MCC: variants seen among roughly 807,000 people sequenced by gnomAD.
The protein encoded by MCC is colorectal mutant cancer protein.
In MCC, 90 loss-of-function variants were observed where a neutral mutation model predicts 116.2. That is an observed-to-expected ratio of 0.77 (90% confidence interval 0.65 to 0.92). The LOEUF is 0.92. Among genes scored for constraint, MCC ranks in the 40% least tolerant of loss-of-function variants. The pLI is 0.00. For missense variants in MCC, 1,516 were observed against 1,312.2 expected (o/e 1.16, Z -2.40); for synonymous variants, 578 against 510.5 (o/e 1.13, Z -1.78).
At chr5:113,055,064 C>A (rs1032432030) in intron 14 of MCC, among the ~76,000 whole-genome samples, 3 of 152,198 alleles carry the variant, frequency 2.0e-5, no homozygotes, top group African/African-American at 7.2e-5. Context: ...GAGGAAAAAG[C>A]AGAGGCCTAC....
chr5:113,442,615 G>T (rs377640229), intron 1 of MCC, among the ~76,000 whole-genome samples: 1 of 152,006 alleles, frequency 6.6e-6, no homozygotes, highest in Non-Finnish European at 1.5e-5. Flanking sequence ...TTTCTTCTAG[G>T]ATTTTTATGT....
At chr5:113,363,489 G>C (rs1402352760) in intron 2 of MCC, among the ~76,000 whole-genome samples, 1 of 152,100 alleles carries the variant, frequency 6.6e-6, no homozygotes, top group Admixed American at 6.5e-5. Flanking sequence ...GGAAGAGAGA[G>C]AAGGGGGAGG....
chr5:113,089,267 C>T (rs1015606335), intron 8 of MCC, among the ~76,000 whole-genome samples: 21 of 152,036 alleles, frequency 1.4e-4, no homozygotes, highest in African/African-American at 4.1e-4. Flanking sequence ...GAGCAGGCAA[C>T]GCTAGAACTC....
chr5:113,236,250 A>G (rs1448743999), intron 3 of MCC, among the ~76,000 whole-genome samples: 1 of 152,222 alleles, frequency 6.6e-6, no homozygotes, highest in Admixed American at 6.5e-5. Flanking sequence ...AATATGCCTG[A>G]GCCTAGGTTT....
intron 3 of MCC, among the ~76,000 whole-genome samples, chr5:113,260,328 A>T (rs1765174104): frequency 6.6e-6 from 1 of 152,204 alleles, no homozygotes; most frequent in African/African-American, 2.4e-5. Flanking sequence ...AAATTTACTA[A>T]GAATGGTATT....
At chr5:113,277,960 T>A (rs1765890303) in intron 3 of MCC, among the ~76,000 whole-genome samples, 1 of 152,148 alleles carries the variant, frequency 6.6e-6, no homozygotes, top group South Asian at 2.1e-4. Flanking sequence ...AATGCCCAAA[T>A]CTAGACTCAT....
chr5:113,284,212 T>C (rs1371606818), intron 3 of MCC, among the ~76,000 whole-genome samples: 1 of 152,168 alleles, frequency 6.6e-6, no homozygotes, highest in Non-Finnish European at 1.5e-5. Flanking sequence ...TAGCCGGATG[T>C]CTTGGCATGT....
At position 113,085,035 on chromosome 5, in the gene MCC, T is replaced by A. The variant is rs1401933479; in HGVS notation, c.1545+129A>T. 1.1e-5 allele frequency: 14 copies of A among 1,279,528 alleles called. No homozygotes were observed. The Admixed American group carries it at 2.5e-4, about 23-fold the overall frequency. 79.3% of individuals were successfully genotyped at this position (1,279,528 alleles called of 1,614,324 possible). A position where few individuals can be genotyped will look rare whatever the true frequency, so the allele number is the denominator to read the frequency against. On this transcript the variant is annotated intron_variant, in intron 9 of 18. Transcript: ENST00000408903. ...GCAGCTCCTGCATAGAAGGCCTGCG[T>A]AAGGTCCCAGGGGAAGCCCCTTGTG...
At chr5:113,179,699 A>G (rs984626497) in intron 3 of MCC, among the ~76,000 whole-genome samples, 2 of 152,140 alleles carry the variant, frequency 1.3e-5, no homozygotes, top group African/African-American at 4.8e-5. Context: ...TTTCAAAAGG[A>G]TTTTGCTGTA....
At chr5:113,305,183 G>T (rs962510120) in intron 3 of MCC, among the ~76,000 whole-genome samples, 7 of 152,116 alleles carry the variant, frequency 4.6e-5, no homozygotes, top group Non-Finnish European at 8.8e-5. Context: ...CTATGGTAGG[G>T]ATTTCCTACA....
chr5:113,324,228 C>T (rs1767492731), intron 3 of MCC, among the ~76,000 whole-genome samples: 1 of 152,140 alleles, frequency 6.6e-6, no homozygotes, highest in Non-Finnish European at 1.5e-5. Flanking sequence ...GAAGGAGTTT[C>T]TACTTGCTAG....
chr5:113,090,794 G>C (rs1449173403), intron 8 of MCC, among the ~76,000 whole-genome samples: 1 of 152,184 alleles, frequency 6.6e-6, no homozygotes, highest in East Asian at 1.9e-4. Flanking sequence ...GACAGCTTCA[G>C]CTAAAGTCAA....
At chr5:113,054,890 C>G (rs1045915469) in intron 14 of MCC, among the ~76,000 whole-genome samples, 10 of 152,204 alleles carry the variant, frequency 6.6e-5, no homozygotes, top group African/African-American at 7.2e-5. Context: ...TGGGCTCTGG[C>G]CTTTTCCAGC....
At chr5:113,304,934 A>G (rs1306411271) in intron 3 of MCC, among the ~76,000 whole-genome samples, 1 of 152,074 alleles carries the variant, frequency 6.6e-6, no homozygotes, top group Non-Finnish European at 1.5e-5. Flanking sequence ...TTATTTCTGG[A>G]GCTGTTTGGG....
At chr5:113,481,195 C>T (rs1229242344) in intron 1 of MCC, among the ~76,000 whole-genome samples, 1 of 152,076 alleles carries the variant, frequency 6.6e-6, no homozygotes, top group Non-Finnish European at 1.5e-5. Context: ...TATATATGTA[C>T]AAGAGTGCAA....
chr5:113,430,067 A>T (rs1705628972), intron 1 of MCC, among the ~76,000 whole-genome samples: 1 of 152,326 alleles, frequency 6.6e-6, no homozygotes, highest in South Asian at 2.1e-4. Context: ...CCTTCTATGG[A>T]TCCAAGCAAC....
intron 5 of MCC, among the ~76,000 whole-genome samples, chr5:113,133,286 C>G (rs993407972): frequency 6.6e-6 from 1 of 152,082 alleles, no homozygotes; most frequent in African/African-American, 2.4e-5. Context: ...TCTTCATCCC[C>G]CTCTCCTCCC....
chr5:113,456,869 G>C (rs1372540632), intron 1 of MCC, among the ~76,000 whole-genome samples: 1 of 151,984 alleles, frequency 6.6e-6, no homozygotes, highest in Non-Finnish European at 1.5e-5. Context: ...TGCTCAAAAA[G>C]TTTTAGATTT....
Position 113,027,077 on chromosome 5 carries a change from G to A in MCC, c.*225C>T. ...GGCACAGAACATGTGTTTACACGCT[G>A]TTGTGGGCCCAGGAGGGAAGAGCGG... On this transcript the variant is annotated 3_prime_UTR_variant, in exon 19 of 19. Coordinates refer to ENST00000408903, the MANE Select transcript of MCC (RefSeq NM_001085377.2). 1 of 550,374 alleles carries A rather than the reference G, an allele frequency of 1.8e-6. No homozygotes were observed. The highest frequency in any genetic ancestry group is 2.5e-5 in the South Asian group (1 of 39,358). The allele number at this position is 550,374 out of a possible 1,614,324, so 34.1% of individuals were successfully genotyped here.
Sources: allele counts gnomAD v4.1 joint callset (sites outside exome capture counted in the v4.1 genomes callset), GRCh38; gene constraint gnomAD v4.1.1; transcripts MANE v1.5; gene names NCBI Gene and HGNC (gene_info 2026-07-23, HGNC 2026-07-21).